The following CDH20 variants were observed in gnomAD, a reference collection of about 807,000 sequenced individuals.
CDH20 encodes cadherin 20, also known as cadherin-20.
A neutral mutation model predicts 74.2 loss-of-function variants in CDH20; 29 were observed. The observed-to-expected ratio is 0.39, with a 90% CI of 0.29 to 0.53. The LOEUF (loss-of-function observed/expected upper bound fraction) is 0.53. Ranked by LOEUF, CDH20 falls within the 20% of genes least tolerant of loss-of-function variation. CDH20 has a pLI of 0.69. For synonymous variants in CDH20, 469 were observed against 405.4 expected (o/e 1.16, Z -1.88); for missense variants, 988 against 1,048.3 (o/e 0.94, Z 0.79).
At chr18:61,379,217 A>G (rs1345613537) in intron 1 of CDH20, among the ~76,000 whole-genome samples, 3 of 152,182 alleles carry the variant, frequency 2.0e-5, no homozygotes, top group African/African-American at 7.2e-5. Context: ...TCAACTGGCT[A>G]TTTTAATAGA....
chr18:61,408,672 T>C (rs1338393752), intron 1 of CDH20, among the ~76,000 whole-genome samples: 1 of 152,200 alleles, frequency 6.6e-6, no homozygotes, highest in Non-Finnish European at 1.5e-5. Context: ...ATTTTTCTTT[T>C]CCTCCTCTCA....
At chr18:61,471,529 A>G (rs1442597931) in intron 1 of CDH20, among the ~76,000 whole-genome samples, 1 of 152,236 alleles carries the variant, frequency 6.6e-6, no homozygotes, top group Non-Finnish European at 1.5e-5. Flanking sequence ...CAGATTCAAT[A>G]GCAACATGCA....
Position 61,406,296 on chromosome 18 carries a change from ATAAG to A in CDH20, c.-153+72473_-153+72476del, listed in dbSNP as rs1384575270. On this transcript the variant is annotated intron_variant, in intron 1 of 11. Coordinates refer to ENST00000262717, the MANE Select transcript of CDH20 (RefSeq NM_031891.4). The stretch of plus-strand genomic sequence containing the variant: ...TGTTTGTTGAGACTTCCACAAGTTG[ATAAG>A]TAATAGGATAAAATGTGCATCTCCA... Among the ~76,000 whole-genome samples the A allele has an allele frequency of 3.3e-5, 5 of 152,238 alleles. No homozygotes were observed. In the East Asian group the frequency reaches 5.8e-4, roughly 18 times the overall value.
intron 1 of CDH20, among the ~76,000 whole-genome samples, chr18:61,488,074 G>GTACA (rs1288482230): frequency 3.6e-4 from 7 of 19,338 alleles, no homozygotes; most frequent in African/African-American, 1.0e-3. Context: ...AATAGAATAC[G>GTACA]TACATACATA....
chr18:61,345,206 C>T (rs565893017), intron 1 of CDH20, among the ~76,000 whole-genome samples: 1 of 152,180 alleles, frequency 6.6e-6, no homozygotes, highest in African/African-American at 2.4e-5. Context: ...GCTGCCCTGG[C>T]GCTCACATGC....
At chr18:61,405,128 C>T (rs1912288482) in intron 1 of CDH20, 3 of 631,362 alleles carry the variant, frequency 4.8e-6, no homozygotes, top group Middle Eastern at 4.6e-4. Context: ...CCAGCACATG[C>T]TTCTCACTTT....
At position 61,484,930 on chromosome 18, in the gene CDH20, T is replaced by A. The variant is rs74627536; in HGVS notation, c.-152-5472T>A. 2.5e-3 allele frequency among the ~76,000 whole-genome samples: 383 copies of A among 152,116 alleles called. 2 individuals are homozygous for A. Among genetic ancestry groups the A allele is most frequent in the East Asian group, 0.012 (62 of 5,174 alleles). ...AAAACAGCACTCTCGCATAAACTGG[T>A]TGGGTGGTGGGAAGGAGAGGGAAAA... On this transcript the variant is annotated intron_variant, in intron 1 of 11. Coordinates refer to ENST00000262717, the MANE Select transcript of CDH20 (RefSeq NM_031891.4).
chr18:61,431,163 C>T lies in CDH20; in HGVS notation c.-152-59239C>T, dbSNP rs1235093935. On this transcript the variant is annotated intron_variant, in intron 1 of 11. Transcript: ENST00000262717. ...TCTAGCATCCCATGTTGCCTTCCTG[C>T]AACCTCCCCTTCCACAGTGAGAAAT... 8.5e-5 allele frequency among the ~76,000 whole-genome samples: 13 copies of T among 152,262 alleles called. No homozygotes were observed. In the East Asian group the frequency reaches 2.5e-3, roughly 29 times the overall value.
chr18:61,352,115 T>C lies in CDH20; in HGVS notation c.-153+18288T>C, dbSNP rs147401041. Reference sequence around the variant, plus strand: ...GATAATCACTGTGCAAAACTCAAAGTCTCTTCATTCAGGAACTTACAGTAC... The same window carrying C: ...GATAATCACTGTGCAAAACTCAAAGCCTCTTCATTCAGGAACTTACAGTAC... On this transcript the variant is annotated intron_variant, in intron 1 of 11. Transcript: ENST00000262717. Among the ~76,000 whole-genome samples, 109 of 152,280 alleles carry C rather than the reference T, an allele frequency of 7.2e-4. 2 individuals are homozygous for C. Among genetic ancestry groups the C allele is most frequent in the African/African-American group, 2.5e-3 (105 of 41,552 alleles).
chr18:61,335,251 G>A (rs962267765), intron 1 of CDH20, among the ~76,000 whole-genome samples: 5 of 152,144 alleles, frequency 3.3e-5, no homozygotes, highest in Admixed American at 6.5e-5. Context: ...CACCCTTGCA[G>A]TCTCGTTGGA....
intron 1 of CDH20, among the ~76,000 whole-genome samples, chr18:61,410,106 T>C (rs1912449044): frequency 6.6e-6 from 1 of 152,240 alleles, no homozygotes; most frequent in Non-Finnish European, 1.5e-5. Context: ...CTACTATGTT[T>C]CCTAGAGGCA....
chr18:61,501,559 C>T (rs994410018), intron 4 of CDH20, among the ~76,000 whole-genome samples: 4 of 152,132 alleles, frequency 2.6e-5, no homozygotes, highest in Non-Finnish European at 5.9e-5. Context: ...TAATGGTGAA[C>T]ACTCAAAGTC....
intron 1 of CDH20, among the ~76,000 whole-genome samples, chr18:61,415,203 C>T (rs1216593513): frequency 6.6e-6 from 1 of 152,020 alleles, no homozygotes; most frequent in African/African-American, 2.4e-5. Flanking sequence ...TTCAATTAAC[C>T]CCCAACATAC....
At chr18:61,383,663 A>G (rs1263220707) in intron 1 of CDH20, among the ~76,000 whole-genome samples, 1 of 152,242 alleles carries the variant, frequency 6.6e-6, no homozygotes, top group East Asian at 1.9e-4. Context: ...AAATATTTAC[A>G]TATCTGAAAT....
chr18:61,544,934 T>C, intron 9 of CDH20, 93 bp from the exon 10 acceptor site: 1 of 807,064 alleles, frequency 1.2e-6, no homozygotes, highest in African/African-American at 1.7e-5. Context: ...AGGTAAAACA[T>C]CCCACCATCG....
chr18:61,465,047 T>C (rs1247698291), intron 1 of CDH20, among the ~76,000 whole-genome samples: 1 of 152,212 alleles, frequency 6.6e-6, no homozygotes, highest in Non-Finnish European at 1.5e-5. Context: ...AAAATAAGCC[T>C]TGTAATATCA....
intron 9 of CDH20, among the ~76,000 whole-genome samples, chr18:61,541,233 T>G (rs1913024167): frequency 6.6e-6 from 1 of 151,904 alleles, no homozygotes; most frequent in Non-Finnish European, 1.5e-5. Context: ...GGTAGTTGAG[T>G]TTAAGTGAGG....
At chr18:61,430,469 TA>T (rs1316287760) in intron 1 of CDH20, among the ~76,000 whole-genome samples, 1 of 152,156 alleles carries the variant, frequency 6.6e-6, no homozygotes, top group African/African-American at 2.4e-5. Flanking sequence ...GTTTCTCCAC[TA>T]TAAAATTATT....
chr18:61,382,613 C>A (rs1327317234), intron 1 of CDH20, among the ~76,000 whole-genome samples: 1 of 152,182 alleles, frequency 6.6e-6, no homozygotes, highest in Non-Finnish European at 1.5e-5. Context: ...TTCCAAAATT[C>A]TGGTTTTTCT....
Sources: gnomAD v4.1 joint callset for allele counts (sites outside exome capture counted in the v4.1 genomes callset) on GRCh38, gnomAD v4.1.1 for gene constraint, MANE v1.5 for transcripts, NCBI Gene and HGNC (gene_info 2026-07-23, HGNC 2026-07-21) for gene names.